The following CADPS2 variants were observed in gnomAD, a reference collection of about 807,000 sequenced individuals.
CADPS2 encodes the protein calcium dependent secretion activator 2.
A neutral mutation model predicts 172.5 loss-of-function variants in CADPS2; 93 were observed. The ratio of observed to expected loss-of-function variants is 0.54; its 90% CI spans 0.46 to 0.64. CADPS2 has a LOEUF of 0.64. Ranked by LOEUF, CADPS2 falls within the 30% of genes least tolerant of loss-of-function variation. CADPS2 has a pLI of 0.00. For synonymous variants in CADPS2, 546 were observed against 555.2 expected (o/e 0.98, Z 0.23); for missense variants, 1,420 against 1,565.9 (o/e 0.91, Z 1.57).
intron 2 of CADPS2, chr7:122,697,763 A>G (rs1391856418): frequency 3.9e-6 from 6 of 1,535,956 alleles, no homozygotes; most frequent in Non-Finnish European, 5.3e-6. Context: ...TACAGGTTTA[A>G]TACACTTCCT....
intron 17 of CADPS2, among the ~76,000 whole-genome samples, chr7:122,435,423 T>C (rs974305885): frequency 6.6e-6 from 1 of 152,006 alleles, no homozygotes; most frequent in South Asian, 2.1e-4. Flanking sequence ...ATCACTAATC[T>C]TCAGGGAAAT....
intron 7 of CADPS2, among the ~76,000 whole-genome samples, chr7:122,564,847 G>GCGCGCGCACA (rs1554626210): frequency 6.9e-6 from 1 of 145,420 alleles, no homozygotes; most frequent in African/African-American, 2.5e-5. Flanking sequence ...ACACACACAT[G>GCGCGCGCACA]CACACACACA....
intron 6 of CADPS2, among the ~76,000 whole-genome samples, chr7:122,597,095 T>C (rs949007057): frequency 6.6e-6 from 1 of 152,022 alleles, no homozygotes; most frequent in Non-Finnish European, 1.5e-5. Flanking sequence ...ACTCAAGCCA[T>C]TCATGAGGGA....
rs894208262 is a variant in CADPS2, at chr7:122,331,145, T to A, written c.3613-5564A>T. ...AAAATCATCTAGAGTTCCAGAACTT[T>A]CTATTGTCTGTTATTTTTTTTTTAA... On this transcript the variant is annotated intron_variant, in intron 28 of 29. Transcript: ENST00000449022. The A allele has an allele frequency of 2.7e-5, 4 of 149,980 alleles. No homozygotes were observed. The East Asian group carries it at 7.7e-4, about 29-fold the overall frequency. 9.3% of individuals were successfully genotyped at this position (149,980 alleles called of 1,614,324 possible). A position where few individuals can be genotyped will look rare whatever the true frequency, so the allele number is the denominator to read the frequency against.
chr7:122,883,786 G>T (rs745785365), intron 1 of CADPS2, among the ~76,000 whole-genome samples: 1 of 152,154 alleles, frequency 6.6e-6, no homozygotes, highest in Non-Finnish European at 1.5e-5. Context: ...AAGTTAACCT[G>T]TGCTCAATGC....
chr7:122,693,198 T>A (rs2084622421), intron 2 of CADPS2, among the ~76,000 whole-genome samples: 1 of 152,160 alleles, frequency 6.6e-6, no homozygotes, highest in Non-Finnish European at 1.5e-5. Context: ...TTAACACTGT[T>A]CTCTCCATTA....
rs77915212 is a variant in CADPS2 at position 122,560,265 on chromosome 7, T to C, written c.1336-5576A>G. 1.1e-3 allele frequency among the ~76,000 whole-genome samples: 174 copies of C among 152,082 alleles called. 2 individuals carry two copies. In the East Asian group the frequency reaches 0.027, roughly 24 times the overall value. ...GTTGAAGGAGATACAAGAAGGTAGG[T>C]TGAAGGAGATACCAGAAGGTTAAGC... On this transcript the variant is annotated intron_variant, in intron 7 of 29. Transcript: ENST00000449022.
rs1399808647 is a variant in CADPS2, at chr7:122,361,971, G to T, written c.3388-958C>A. 2.6e-5 allele frequency among the ~76,000 whole-genome samples: 4 copies of T among 152,120 alleles called. No homozygotes were observed. The East Asian group carries it at 7.7e-4, about 29-fold the overall frequency. On this transcript the variant is annotated intron_variant, in intron 25 of 29. Transcript: ENST00000449022. The stretch of plus-strand genomic sequence containing the variant: ...ATCTGTAATCTTAGCTACTCGGGAG[G>T]CTGAGGCAGGAGAATTGCCTGGGAG...
intron 1 of CADPS2, among the ~76,000 whole-genome samples, chr7:122,808,999 G>C (rs1372048757): frequency 6.6e-6 from 1 of 151,950 alleles, no homozygotes; most frequent in Non-Finnish European, 1.5e-5. Flanking sequence ...TAACAGGAGG[G>C]GACACTTACA....
At chr7:122,407,761 G>A in intron 19 of CADPS2, 65 bp from the exon 20 acceptor site, 1 of 1,383,194 alleles carries the variant, frequency 7.2e-7, no homozygotes. Flanking sequence ...CACAAGTACT[G>A]TGCCAGTTGA....
intron 4 of CADPS2, among the ~76,000 whole-genome samples, chr7:122,622,654 T>C (rs2075720149): frequency 6.6e-6 from 1 of 152,148 alleles, no homozygotes; most frequent in Non-Finnish European, 1.5e-5. Flanking sequence ...TTTTCTCTCT[T>C]AAAGACAGAG....
chr7:122,812,845 T>C (rs960123148), intron 1 of CADPS2, among the ~76,000 whole-genome samples: 2 of 152,182 alleles, frequency 1.3e-5, no homozygotes, highest in African/African-American at 2.4e-5. Flanking sequence ...ATTACAGCCA[T>C]TTTTAAAGTA....
At chr7:122,627,071 G>T (rs965770244) in intron 4 of CADPS2, among the ~76,000 whole-genome samples, 2 of 152,334 alleles carry the variant, frequency 1.3e-5, no homozygotes, top group Middle Eastern at 3.4e-3. Flanking sequence ...GGAATGATCA[G>T]ATTGCAGAGG....
At chr7:122,847,738 CAT>C (rs1171428571) in intron 1 of CADPS2, among the ~76,000 whole-genome samples, 1 of 152,330 alleles carries the variant, frequency 6.6e-6, no homozygotes, top group African/African-American at 2.4e-5. Context: ...TGCAAACCCA[CAT>C]AGTCTTACTG....
At chr7:122,676,853 G>A in intron 2 of CADPS2, 2 of 513,518 alleles carry the variant, frequency 3.9e-6, no homozygotes, top group Non-Finnish European at 6.9e-6. Context: ...TTTTTTCCAG[G>A]TCACTTTGTG....
chr7:122,708,891 A>C (rs1233418021), intron 2 of CADPS2, among the ~76,000 whole-genome samples: 1 of 151,996 alleles, frequency 6.6e-6, no homozygotes, highest in African/African-American at 2.4e-5. Context: ...GGCAGAAGGA[A>C]GAGGTAAATA....
intron 1 of CADPS2, among the ~76,000 whole-genome samples, chr7:122,787,775 T>C (rs1794388121): frequency 6.6e-6 from 1 of 152,224 alleles, no homozygotes; most frequent in South Asian, 2.1e-4. Flanking sequence ...TATTAGCTGT[T>C]AGAGTAGCCT....
chr7:122,474,609 A>G (rs1416595218), intron 12 of CADPS2, 92 bp from the exon 13 acceptor site: 2 of 1,147,340 alleles, frequency 1.7e-6, no homozygotes, highest in Admixed American at 4.3e-5. Context: ...GCGTGACTCA[A>G]GCAGAAGACT....
intron 1 of CADPS2, among the ~76,000 whole-genome samples, chr7:122,775,492 T>C (rs1220892193): frequency 6.6e-6 from 1 of 152,164 alleles, no homozygotes; most frequent in Non-Finnish European, 1.5e-5. Flanking sequence ...CCAATTATTT[T>C]AAAGGAGCTA....
Sources: gnomAD v4.1 joint callset for allele counts (sites outside exome capture counted in the v4.1 genomes callset) on GRCh38, gnomAD v4.1.1 for gene constraint, MANE v1.5 for transcripts, NCBI Gene and HGNC (gene_info 2026-07-23, HGNC 2026-07-21) for gene names.